The following PCF11 variants were observed in gnomAD, a reference collection of about 807,000 sequenced individuals.
PCF11 encodes the protein PCF11 cleavage and polyadenylation factor subunit, also known as pre-mRNA cleavage complex 2 protein Pcf11.
Under a neutral mutation model 166.1 loss-of-function variants are expected in PCF11, and 19 were observed. That is an observed-to-expected ratio of 0.11 (90% confidence interval 0.08 to 0.17). The LOEUF is 0.17. Ranked by LOEUF, PCF11 falls within the 10% of genes least tolerant of loss-of-function variation. The pLI is 1.00. For synonymous variants in PCF11, 663 were observed against 644.1 expected (o/e 1.03, Z -0.44); for missense variants, 1,565 against 1,855.5 (o/e 0.84, Z 2.88).
At chr11:83,169,643 C>T (rs1860609355) in exon 8 of PCF11, 2 of 1,613,842 alleles carry the variant, frequency 1.2e-6, no homozygotes, top group Non-Finnish European at 1.7e-6. Flanking sequence ...CAGCAAGCAT[C>T]AAGGTTTGAT....
At chr11:83,160,261 A>G (rs1204829375) in intron 1 of PCF11, among the ~76,000 whole-genome samples, 1 of 150,636 alleles carries the variant, frequency 6.6e-6, no homozygotes, top group East Asian at 1.9e-4. Flanking sequence ...AGCTATGGGT[A>G]AGTGTTACTT....
chr11:83,182,336 TTTAC>T, intron 13 of PCF11, 59 bp from the exon 14 acceptor site: 1 of 869,834 alleles, frequency 1.1e-6, no homozygotes, highest in Non-Finnish European at 1.9e-6. Context: ...TTTGTATATT[TTTAC>T]TTAATGGGGT....
exon 5 of PCF11, chr11:83,166,586 G>A: frequency 6.2e-7 from 1 of 1,613,830 alleles, no homozygotes; most frequent in South Asian, 1.1e-5. Context: ...AGACTGAAGA[G>A]GAGCGACCAC....
intron 8 of PCF11, among the ~76,000 whole-genome samples, chr11:83,170,905 T>C (rs1237531219): frequency 1.3e-5 from 2 of 152,210 alleles, no homozygotes; most frequent in East Asian, 3.8e-4. Flanking sequence ...GAAAAAACAG[T>C]TGGCTTGCCT....
At chr11:83,179,701 C>T (rs1197373993) in intron 11 of PCF11, among the ~76,000 whole-genome samples, 2 of 152,030 alleles carry the variant, frequency 1.3e-5, no homozygotes, top group Admixed American at 6.5e-5. Flanking sequence ...GTCAGGAGTT[C>T]AAGACCAGCT....
exon 11 of PCF11, chr11:83,177,741 C>G: frequency 6.5e-7 from 1 of 1,541,636 alleles, no homozygotes; most frequent in Non-Finnish European, 8.8e-7. Flanking sequence ...GCTCAGCCTC[C>G]CCCTGAAGAG....
Position 83,168,505 on chromosome 11 carries a change from C to T in PCF11, c.2170C>T (p.Pro724Ser). 4 of 1,613,994 alleles carry T rather than the reference C, an allele frequency of 2.5e-6. No individual in the cohort carries two copies. In the South Asian group the frequency reaches 3.3e-5, roughly 13 times the overall value. ...ACCTCGATATGAAGATTCAGATAAA[C>T]CATTTGTAGATAGTCCAGCATCAAG... The change falls in exon 8 of 16, where the codon CCA becomes TCA. Residue 724 changes from proline to serine, a missense_variant. This residue lies in a region of PCF11 where 725 missense variants were observed against 749.3 expected (regional missense o/e 0.97). Coordinates refer to ENST00000298281, the Ensembl canonical transcript of PCF11.
chr11:83,173,171 T>C (rs1393190520), intron 9 of PCF11, among the ~76,000 whole-genome samples: 1 of 152,142 alleles, frequency 6.6e-6, no homozygotes, highest in African/African-American at 2.4e-5. Flanking sequence ...GTAAACAGCA[T>C]ATGGGCCGGG....
chr11:83,167,618 A>T lies in PCF11; in HGVS notation c.2092+113A>T. ...TAACCTACTATGAACATAAAGCAAA[A>T]CTGAAAAGGACACAGGTTCAGCATT... On this transcript the variant is annotated intron_variant, in intron 7 of 15. Coordinates refer to ENST00000298281, the Ensembl canonical transcript of PCF11. The surrounding 1 kb of genome is among the most constrained non-coding windows in gnomAD (Gnocchi z 4.2). The T allele has an allele frequency of 6.5e-7, 1 of 1,537,852 alleles. No individual in the cohort carries two copies. The highest frequency in any genetic ancestry group is 8.7e-7 in the Non-Finnish European group (1 of 1,144,470).
chr11:83,169,290 A>G (rs748874553), exon 8 of PCF11: 2 of 1,611,750 alleles, frequency 1.2e-6, no homozygotes, highest in South Asian at 1.1e-5. Flanking sequence ...TTGAGGGTCC[A>G]CATGGTCAGC....
At chr11:83,160,060 C>T (rs1006041842) in intron 1 of PCF11, among the ~76,000 whole-genome samples, 1 of 152,136 alleles carries the variant, frequency 6.6e-6, no homozygotes, top group African/African-American at 2.4e-5. Flanking sequence ...AGTGGGTGAA[C>T]CCTTTTATTA....
At chr11:83,157,459 C>T (rs758620694) in exon 1 of PCF11, 3 of 1,611,156 alleles carry the variant, frequency 1.9e-6, no homozygotes, top group Non-Finnish European at 2.5e-6. Flanking sequence ...CAGACGCCGG[C>T]CGAGGCCGGT....
chr11:83,167,808 C>T lies in PCF11; in HGVS notation c.2092+303C>T, dbSNP rs186989959. ...ACAATTTAGTGAAAGAGCAAGACGT[C>T]TTTCTCCTATATCTGGGAGTCGTAC... On this transcript the variant is annotated intron_variant, in intron 7 of 15. Transcript: ENST00000298281. This position sits in a 1 kb window ranked among gnomAD's most constrained non-coding sequence, Gnocchi z 4.2. 6.5e-4 allele frequency: 882 copies of T among 1,353,042 alleles called. No homozygotes were observed. Among genetic ancestry groups the T allele is most frequent in the Non-Finnish European group, 8.2e-4 (843 of 1,031,008 alleles). The allele number at this position is 1,353,042 out of a possible 1,614,324, so 83.8% of individuals were successfully genotyped here. A position where few individuals can be genotyped will look rare whatever the true frequency, so the allele number is the denominator to read the frequency against.
At chr11:83,164,487 G>T in intron 4 of PCF11, 86 bp downstream of exon 4, 3 of 957,664 alleles carry the variant, frequency 3.1e-6, no homozygotes, top group South Asian at 1.6e-5. Flanking sequence ...TTATTAACAT[G>T]TTACTTTTAT....
chr11:83,159,782 T>C (rs1463304301), intron 1 of PCF11, among the ~76,000 whole-genome samples: 1 of 152,240 alleles, frequency 6.6e-6, no homozygotes, highest in Non-Finnish European at 1.5e-5. Context: ...GTCCTTATTC[T>C]TTAGCTTCTC....
chr11:83,169,438 C>T, exon 8 of PCF11: 2 of 1,613,666 alleles, frequency 1.2e-6, no homozygotes, highest in South Asian at 1.1e-5. Context: ...TGAAGGTTGT[C>T]ATGCTTTAAG....
intron 9 of PCF11, among the ~76,000 whole-genome samples, chr11:83,176,881 G>A (rs1237825430): frequency 1.3e-5 from 2 of 151,906 alleles, no homozygotes; most frequent in Non-Finnish European, 2.9e-5. Flanking sequence ...ATATTCTCAA[G>A]TCATGCTGAC....
At chr11:83,168,193 G>A (rs1293428785) in intron 7 of PCF11, among the ~76,000 whole-genome samples, 1 of 152,112 alleles carries the variant, frequency 6.6e-6, no homozygotes, top group East Asian at 1.9e-4. Flanking sequence ...ATAAAAGAGA[G>A]GTTAAATAAC....
intron 1 of PCF11, 116 bp downstream of exon 1, chr11:83,157,747 C>T: frequency 1.1e-6 from 1 of 925,174 alleles, no homozygotes; most frequent in South Asian, 1.5e-5. Flanking sequence ...TCTCCAACCC[C>T]CCCACCCCCC....
Sources: gnomAD v4.1 joint callset for allele counts (sites outside exome capture counted in the v4.1 genomes callset) on GRCh38, gnomAD v4.1.1 for gene constraint, gnomAD v4.1.1 regional missense constraint, Gnocchi (gnomAD v3.1) non-coding constraint, MANE v1.5 for transcripts, NCBI Gene and HGNC (gene_info 2026-07-23, HGNC 2026-07-21) for gene names.